Variants in PC observed in about 807,000 individuals in gnomAD.
PC encodes the protein pyruvate carboxylase, mitochondrial.
In PC, 46 loss-of-function variants were observed where a neutral mutation model predicts 107.8. That is an observed-to-expected ratio of 0.43 (90% CI 0.34 to 0.55). The LOEUF is 0.55. Among genes scored for constraint, PC ranks in the 20% least tolerant of loss-of-function variants. The pLI is 0.04. For missense variants in PC, 1,241 were observed against 1,643.1 expected, an observed-to-expected ratio of 0.76 and a Z score of 4.23; for synonymous variants, 662 against 684.7, an observed-to-expected ratio of 0.97 and a Z score of 0.52.
intron 11 of PC, among the ~76,000 whole-genome samples, chr11:66,864,593 G>A (rs1209139359): frequency 1.3e-5 from 2 of 152,236 alleles, no homozygotes; most frequent in Non-Finnish European, 2.9e-5. Flanking sequence ...GCAACGAGGA[G>A]GAAGTGGGAG....
At chr11:66,951,833 T>C (rs1429841679) in intron 3 of PC, among the ~76,000 whole-genome samples, 1 of 147,858 alleles carries the variant, frequency 6.8e-6, no homozygotes, top group African/African-American at 2.5e-5. Context: ...GAGGTTGCAG[T>C]AAGCCGAGCT....
chr11:66,884,763 A>C (rs190200236), intron 3 of PC, among the ~76,000 whole-genome samples: 4 of 152,346 alleles, frequency 2.6e-5, no homozygotes, highest in Admixed American at 2.6e-4. Context: ...TTGTCACTAA[A>C]GCCCAAAAGG....
Position 66,863,852 on chromosome 11 carries a change from A to G in PC, c.1290T>C (p.Ile430=). The G allele has an allele frequency of 6.2e-7, 1 of 1,613,892 alleles. No homozygotes were observed. The highest frequency in any genetic ancestry group is 8.5e-7 in the Non-Finnish European group (1 of 1,179,970). The change falls in exon 12 of 23, where the codon ATT becomes ATC. Residue 430 remains isoleucine (I), a synonymous_variant. Coordinates refer to ENST00000393960, the MANE Select transcript of PC (RefSeq NM_001040716.2). ...CCGTGGGGTGGTCTTTGCCGTGGGC[A>G]ATGACTTTGACCAGCAGGGAGTCGT... ...PHYDSLLVKV[I]AHGKDHPTAA...
chr11:66,858,195 G>C lies in PC; in HGVS notation c.1369-4812C>G. 1 of 1,612,272 alleles carries C rather than the reference G, an allele frequency of 6.2e-7. No homozygotes were observed. Among genetic ancestry groups the C allele is most frequent in the Non-Finnish European group, 8.5e-7 (1 of 1,179,756 alleles). ...CTTCCTAGAGAGCCTGGAGGACCTGGACCTGTCCTACAACAACCTCCGGCA... is the reference window on the plus strand; with the variant it reads ...CTTCCTAGAGAGCCTGGAGGACCTGCACCTGTCCTACAACAACCTCCGGCA... On this transcript the variant is annotated intron_variant, in intron 12 of 22. Transcript: ENST00000393960. This position sits in a 1 kb window ranked among gnomAD's most constrained non-coding sequence, Gnocchi z 5.9.
intron 3 of PC, among the ~76,000 whole-genome samples, chr11:66,895,116 T>G (rs924342198): frequency 3.9e-5 from 6 of 152,012 alleles, no homozygotes; most frequent in Non-Finnish European, 7.4e-5. Context: ...GAACAGAGGT[T>G]TACTTTCTGG....
intron 11 of PC, among the ~76,000 whole-genome samples, chr11:66,865,496 G>C (rs569148966): frequency 4.6e-5 from 7 of 152,342 alleles, no homozygotes; most frequent in African/African-American, 1.4e-4. Flanking sequence ...GACCAGAGGC[G>C]GGGGAGATGG....
chr11:66,890,134 C>T (rs1347271189), intron 3 of PC, among the ~76,000 whole-genome samples: 3 of 152,118 alleles, frequency 2.0e-5, no homozygotes, highest in East Asian at 3.8e-4. Context: ...AGAAGATTAG[C>T]GGCTGGTAGC....
intron 3 of PC, among the ~76,000 whole-genome samples, chr11:66,922,652 T>C (rs539739686): frequency 6.6e-5 from 10 of 150,598 alleles, no homozygotes; most frequent in African/African-American, 2.4e-4. Context: ...CAGGGATAAG[T>C]ACCTGGTCTT....
rs1165906816 is a variant in PC, at chr11:66,848,656, C to T, written c.*243G>A. Reference sequence around the variant, plus strand: ...GACCACCTGACCCACCACTTGTAGTCTCCAGTGAGGAGGGGACCCTTATTT... The same window carrying T: ...GACCACCTGACCCACCACTTGTAGTTTCCAGTGAGGAGGGGACCCTTATTT... On this transcript the variant is annotated 3_prime_UTR_variant, in exon 23 of 23. Coordinates refer to ENST00000393960, the MANE Select transcript of PC (RefSeq NM_001040716.2). The T allele has an allele frequency of 6.5e-6, 4 of 618,434 alleles. No homozygotes were observed. The highest frequency in any genetic ancestry group is 5.7e-5 in the South Asian group (3 of 52,538). 38.3% of individuals were successfully genotyped at this position (618,434 alleles called of 1,614,324 possible). A position where few individuals can be genotyped will look rare whatever the true frequency, so the allele number is the denominator to read the frequency against.
intron 3 of PC, among the ~76,000 whole-genome samples, chr11:66,873,673 A>G (rs904375439): frequency 6.7e-6 from 1 of 148,302 alleles, no homozygotes; most frequent in African/African-American, 2.5e-5. Flanking sequence ...ACCAAGGTAC[A>G]GTGGAGACTA....
At chr11:66,895,093 T>C (rs1237854204) in intron 3 of PC, among the ~76,000 whole-genome samples, 1 of 151,008 alleles carries the variant, frequency 6.6e-6, no homozygotes, top group Admixed American at 6.6e-5. Flanking sequence ...ACCTCCCCTC[T>C]CCAGCCCTGG....
At chr11:66,899,442 A>G (rs1947873612) in intron 3 of PC, among the ~76,000 whole-genome samples, 2 of 152,216 alleles carry the variant, frequency 1.3e-5, no homozygotes. Context: ...GCTGGAGGGC[A>G]GTGGCACGAC....
intron 3 of PC, among the ~76,000 whole-genome samples, chr11:66,899,499 C>A (rs574105671): frequency 3.8e-4 from 58 of 152,230 alleles, no homozygotes; most frequent in Middle Eastern, 3.4e-3. Context: ...AAGCCATCCT[C>A]CTGCTTCAGC....
rs143583956 is a variant in PC, at chr11:66,858,216, C to T, written c.1369-4833G>A. ...CCTGGACCTGTCCTACAACAACCTC[C>T]GGCAGGTGCCCTGGGCCGGCATCGG... On this transcript the variant is annotated intron_variant, in intron 12 of 22. Transcript: ENST00000393960. The surrounding 1 kb of genome is among the most constrained non-coding windows in gnomAD (Gnocchi z 5.9). The T allele has an allele frequency of 4.1e-5, 66 of 1,612,542 alleles. 1 individual carries two copies. Among genetic ancestry groups the T allele is most frequent in the South Asian group, 2.6e-4 (24 of 91,074 alleles).
intron 3 of PC, among the ~76,000 whole-genome samples, chr11:66,908,968 C>A (rs187533186): frequency 2.6e-4 from 39 of 152,264 alleles, no homozygotes; most frequent in Admixed American, 2.5e-3. Flanking sequence ...CCTTCCAGCC[C>A]ATGAAGGAAG....
intron 1 of PC, among the ~76,000 whole-genome samples, chr11:66,956,373 T>A (rs1949561670): frequency 6.6e-6 from 1 of 151,724 alleles, no homozygotes; most frequent in Non-Finnish European, 1.5e-5. Flanking sequence ...TCACCTGAGG[T>A]CAGGAGTTCA....
intron 3 of PC, among the ~76,000 whole-genome samples, chr11:66,919,032 T>A (rs1948531263): frequency 6.6e-6 from 1 of 152,144 alleles, no homozygotes; most frequent in South Asian, 2.1e-4. Flanking sequence ...ACTCACATAA[T>A]CCTGGGACTG....
chr11:66,879,064 C>G (rs1470221118), intron 3 of PC, among the ~76,000 whole-genome samples: 1 of 152,208 alleles, frequency 6.6e-6, no homozygotes, highest in African/African-American at 2.4e-5. Flanking sequence ...TCACTATCTT[C>G]CCAACTCCCT....
chr11:66,870,574 G>T lies in PC; in HGVS notation c.752-121C>A. ...GCCGGCTGCCAGCGGTACAGAGGCT[G>T]CCAGGAGAGACACCAGCATCACCAA... is the stretch of plus-strand genomic sequence containing the variant. On this transcript the variant is annotated intron_variant, in intron 8 of 22. Transcript: ENST00000393960. This position sits in a 1 kb window ranked among gnomAD's most constrained non-coding sequence, Gnocchi z 6.1. The T allele has an allele frequency of 8.1e-7, 1 of 1,242,074 alleles. No individual in the cohort carries two copies. The highest frequency in any genetic ancestry group is 1.2e-6 in the Non-Finnish European group (1 of 865,340). The allele number at this position is 1,242,074 out of a possible 1,614,324, so 76.9% of individuals were successfully genotyped here.
Sources: gnomAD v4.1 joint callset for allele counts (sites outside exome capture counted in the v4.1 genomes callset) on GRCh38, gnomAD v4.1.1 for gene constraint, Gnocchi (gnomAD v3.1) non-coding constraint, MANE v1.5 for transcripts, NCBI Gene and HGNC (gene_info 2026-07-23, HGNC 2026-07-21) for gene names.